LRRTM4: variants seen among roughly 807,000 people sequenced by gnomAD.
The protein encoded by LRRTM4 is leucine rich repeat transmembrane neuronal 4.
LRRTM4 carries 25 observed loss-of-function variants against 47.6 expected under a neutral mutation model. That is an observed-to-expected ratio of 0.53 (90% CI 0.38 to 0.73). The LOEUF is 0.73. Among genes scored for constraint, LRRTM4 ranks in the 30% least tolerant of loss-of-function variants. LRRTM4 has a pLI of 0.00. For missense variants in LRRTM4, 638 were observed against 713.4 expected, an observed-to-expected ratio of 0.89 and a Z score of 1.20; for synonymous variants, 311 against 269.5, an observed-to-expected ratio of 1.15 and a Z score of -1.51.
At chr2:76,843,169 G>GA (rs1671737272) in intron 3 of LRRTM4, among the ~76,000 whole-genome samples, 2 of 152,108 alleles carry the variant, frequency 1.3e-5, no homozygotes, top group Admixed American at 1.3e-4. Flanking sequence ...TGAGTGAGGA[G>GA]AAGTAGAGAA....
intron 3 of LRRTM4, among the ~76,000 whole-genome samples, chr2:76,848,276 T>C (rs552593099): frequency 6.6e-6 from 1 of 152,274 alleles, no homozygotes; most frequent in African/African-American, 2.4e-5. Context: ...ATTCTAATAA[T>C]TTTCCCAATT....
chr2:77,249,155 G>C (rs923499873), intron 3 of LRRTM4, among the ~76,000 whole-genome samples: 27 of 151,888 alleles, frequency 1.8e-4, no homozygotes, highest in African/African-American at 6.5e-4. Flanking sequence ...TTTGAGACCA[G>C]CCTGGCCAAC....
chr2:77,382,288 C>G (rs1673084098), intron 3 of LRRTM4, among the ~76,000 whole-genome samples: 1 of 152,072 alleles, frequency 6.6e-6, no homozygotes, highest in South Asian at 2.1e-4. Flanking sequence ...TATTTGCACA[C>G]TTTAACCTAA....
At chr2:77,127,549 A>T (rs1671679685) in intron 3 of LRRTM4, among the ~76,000 whole-genome samples, 1 of 152,178 alleles carries the variant, frequency 6.6e-6, no homozygotes, top group African/African-American at 2.4e-5. Flanking sequence ...ATGATATGGC[A>T]CATTTGAGAT....
At chr2:77,409,499 T>A (rs917548905) in intron 3 of LRRTM4, among the ~76,000 whole-genome samples, 30 of 152,292 alleles carry the variant, frequency 2.0e-4, no homozygotes, top group African/African-American at 7.0e-4. Context: ...AATGTCCCCA[T>A]CTTTTAATAC....
In LRRTM4 at chr2:76,784,537, CTT is replaced by C. The variant is rs375253031; in HGVS notation, c.1552-35623_1552-35622del. On this transcript the variant is annotated intron_variant, in intron 3 of 3. Transcript: ENST00000409884. ...AGATTAAGCTGATACTTAGATTTCT[CTT>C]TTGTTTCCCACATAAAGTAAATAAA... Among the ~76,000 whole-genome samples, 54 of 152,094 alleles carry C rather than the reference CTT, an allele frequency of 3.6e-4. No homozygotes were observed. The East Asian group carries it at 9.5e-3, about 27-fold the overall frequency.
intron 3 of LRRTM4, among the ~76,000 whole-genome samples, chr2:76,998,640 G>T (rs1164073283): frequency 6.6e-6 from 1 of 151,564 alleles, no homozygotes; most frequent in Non-Finnish European, 1.5e-5. Flanking sequence ...GACATCCACT[G>T]CTATAAAATT....
At chr2:76,958,172 G>A (rs1375842068) in intron 3 of LRRTM4, among the ~76,000 whole-genome samples, 1 of 151,682 alleles carries the variant, frequency 6.6e-6, no homozygotes, top group Non-Finnish European at 1.5e-5. Context: ...TTATAGAATA[G>A]CTAACCTCTT....
At chr2:77,339,377 A>C (rs187625136) in intron 3 of LRRTM4, among the ~76,000 whole-genome samples, 259 of 152,156 alleles carry the variant, frequency 1.7e-3, no homozygotes, top group Admixed American at 2.2e-3. Context: ...TGTTTCCTAA[A>C]TTTGTTTAAT....
chr2:77,448,486 A>T (rs2103946104), intron 3 of LRRTM4, among the ~76,000 whole-genome samples: 1 of 152,322 alleles, frequency 6.6e-6, no homozygotes, highest in East Asian at 1.9e-4. Flanking sequence ...ATTATCAAAA[A>T]AATCTCTTTT....
intron 3 of LRRTM4, among the ~76,000 whole-genome samples, chr2:77,085,972 C>T (rs997173789): frequency 1.3e-5 from 2 of 152,238 alleles, no homozygotes; most frequent in East Asian, 1.9e-4. Context: ...CCACAATGGA[C>T]TGAAACGCAG....
chr2:77,277,992 C>A (rs1384454482), intron 3 of LRRTM4, among the ~76,000 whole-genome samples: 1 of 151,948 alleles, frequency 6.6e-6, no homozygotes, highest in Non-Finnish European at 1.5e-5. Flanking sequence ...CTCTTTCTCT[C>A]TCTTTCTTTC....
At chr2:77,457,203 T>G (rs1488048465) in intron 3 of LRRTM4, among the ~76,000 whole-genome samples, 1 of 151,670 alleles carries the variant, frequency 6.6e-6, no homozygotes, top group Non-Finnish European at 1.5e-5. Flanking sequence ...AATGGCATCT[T>G]AAACTTAACA....
At chr2:76,999,588 A>C (rs1467922298) in intron 3 of LRRTM4, among the ~76,000 whole-genome samples, 1 of 152,136 alleles carries the variant, frequency 6.6e-6, no homozygotes, top group Non-Finnish European at 1.5e-5. Flanking sequence ...TCATGACAGG[A>C]ATAGAAGGGC....
intron 3 of LRRTM4, among the ~76,000 whole-genome samples, chr2:76,818,840 C>T (rs1353546494): frequency 6.6e-6 from 1 of 151,650 alleles, no homozygotes; most frequent in East Asian, 1.9e-4. Flanking sequence ...GAAATAATCA[C>T]ATAAACTACC....
Position 76,765,347 on chromosome 2 carries a change from GAA to G in LRRTM4, c.1552-16433_1552-16432del, listed in dbSNP as rs1376229601. Among the ~76,000 whole-genome samples the G allele has an allele frequency of 6.6e-5, 10 of 152,084 alleles. No homozygotes were observed. In the East Asian group the frequency reaches 1.9e-3, roughly 29 times the overall value. On this transcript the variant is annotated intron_variant, in intron 3 of 3. Transcript: ENST00000409884. ...ATTTGAGAGTTTGGAGTTTATACAG[GAA>G]AAAGTTAATGTTTTGGGGGATGCTT...
chr2:76,975,191 GCTAA>G lies in LRRTM4; in HGVS notation c.1552-226279_1552-226276del, dbSNP rs566936814. On this transcript the variant is annotated intron_variant, in intron 3 of 3. Transcript: ENST00000409884. Reference sequence around the variant, plus strand: ...CTAGGAAAACCCATAATTTGTTTTTGCTAACTGAGTTTCTTTTTTTCTCATAGTG... The same window carrying G: ...CTAGGAAAACCCATAATTTGTTTTTGCTGAGTTTCTTTTTTTCTCATAGTG... Among the ~76,000 whole-genome samples the G allele has an allele frequency of 1.7e-3, 258 of 151,718 alleles. 1 individual carries two copies. The highest frequency in any genetic ancestry group is 3.1e-3 in the Non-Finnish European group (213 of 67,734).
chr2:76,798,777 C>A (rs868345910), intron 3 of LRRTM4, among the ~76,000 whole-genome samples: 1 of 150,078 alleles, frequency 6.7e-6, no homozygotes, highest in African/African-American at 2.5e-5. Context: ...ATATCACCAC[C>A]GATCCCACAG....
At chr2:77,379,726 G>A (rs1014011435) in intron 3 of LRRTM4, among the ~76,000 whole-genome samples, 1 of 150,966 alleles carries the variant, frequency 6.6e-6, no homozygotes, top group Non-Finnish European at 1.5e-5. Context: ...TTTTTATTTC[G>A]CCTTCTTTCT....
Sources: allele counts gnomAD v4.1 joint callset (sites outside exome capture counted in the v4.1 genomes callset), GRCh38; gene constraint gnomAD v4.1.1; transcripts MANE v1.5; gene names NCBI Gene and HGNC (gene_info 2026-07-23, HGNC 2026-07-21).